The following RBFOX1 variants were observed in gnomAD, a reference collection of about 807,000 sequenced individuals.
The protein encoded by RBFOX1 is RNA binding protein fox-1 homolog 1.
Under a neutral mutation model 57.7 loss-of-function variants are expected in RBFOX1, and 8 were observed. The ratio of observed to expected loss-of-function variants is 0.14; its 90% confidence interval spans 0.08 to 0.25. RBFOX1 has a LOEUF of 0.25. RBFOX1 is among the 10% of genes least tolerant of loss of function. RBFOX1 has a pLI of 1.00. For missense variants in RBFOX1, 611 were observed against 548.5 expected, an observed-to-expected ratio of 1.11 and a Z score of -1.14; for synonymous variants, 326 against 222.4, an observed-to-expected ratio of 1.47 and a Z score of -4.15.
intron 1 of RBFOX1, among the ~76,000 whole-genome samples, chr16:6,157,414 T>C (rs982152785): frequency 1.3e-5 from 2 of 152,182 alleles, no homozygotes; most frequent in Non-Finnish European, 2.9e-5. Context: ...GGCCTAAATA[T>C]TTCATGAAGG....
chr16:6,994,467 A>G (rs1473474845), intron 3 of RBFOX1, among the ~76,000 whole-genome samples: 1 of 152,206 alleles, frequency 6.6e-6, no homozygotes, highest in African/African-American at 2.4e-5. Context: ...ATGCCATGCT[A>G]AGAACTGTTA....
chr16:7,317,178 G>C (rs1334721235), intron 4 of RBFOX1, among the ~76,000 whole-genome samples: 2 of 152,042 alleles, frequency 1.3e-5, no homozygotes, highest in African/African-American at 4.8e-5. Flanking sequence ...ACTAGGAGTG[G>C]ACAGAAAAGA....
intron 3 of RBFOX1, among the ~76,000 whole-genome samples, chr16:6,656,844 T>C (rs1038157846): frequency 6.6e-6 from 1 of 151,816 alleles, no homozygotes; most frequent in South Asian, 2.1e-4. Context: ...CTAAGGACTT[T>C]TTTTAAAAAA....
intron 5 of RBFOX1, among the ~76,000 whole-genome samples, chr16:7,527,349 T>C (rs575283899): frequency 6.6e-6 from 1 of 152,254 alleles, no homozygotes; most frequent in Admixed American, 6.5e-5. Flanking sequence ...AAGACCCTGG[T>C]CATCAAAAAC....
intron 4 of RBFOX1, among the ~76,000 whole-genome samples, chr16:7,437,774 A>G (rs2098734608): frequency 6.6e-6 from 1 of 152,162 alleles, no homozygotes; most frequent in Admixed American, 6.5e-5. Flanking sequence ...TGGCAAAGAT[A>G]ATCTTGTGGA....
chr16:6,979,592 G>T (rs2088104977), intron 3 of RBFOX1, among the ~76,000 whole-genome samples: 1 of 152,172 alleles, frequency 6.6e-6, no homozygotes, highest in Non-Finnish European at 1.5e-5. Context: ...GCACAGTACA[G>T]GGGTGTGACT....
chr16:6,772,259 C>T (rs1240842485), intron 3 of RBFOX1, among the ~76,000 whole-genome samples: 2 of 152,072 alleles, frequency 1.3e-5, no homozygotes, highest in African/African-American at 2.4e-5. Context: ...TATACAACTG[C>T]AGGTCAGGCC....
chr16:7,603,240 C>A (rs937507302), intron 9 of RBFOX1, among the ~76,000 whole-genome samples: 11 of 150,606 alleles, frequency 7.3e-5, no homozygotes, highest in Non-Finnish European at 8.9e-5. Context: ...TAATCAGAGC[C>A]AAAAAAAAAT....
At chr16:7,580,667 G>A (rs1197653220) in intron 6 of RBFOX1, among the ~76,000 whole-genome samples, 1 of 152,064 alleles carries the variant, frequency 6.6e-6, no homozygotes, top group Non-Finnish European at 1.5e-5. Flanking sequence ...AGGTCATCTT[G>A]CCCCTGATTA....
chr16:6,387,556 G>T (rs1339716463), intron 2 of RBFOX1, among the ~76,000 whole-genome samples: 1 of 151,938 alleles, frequency 6.6e-6, no homozygotes, highest in Admixed American at 6.6e-5. Context: ...TATTTGGGAT[G>T]ATACATCTGC....
intron 3 of RBFOX1, among the ~76,000 whole-genome samples, chr16:5,790,859 A>ATTTTT (rs1157751312): frequency 8.9e-6 from 1 of 112,956 alleles, no homozygotes; most frequent in African/African-American, 3.4e-5. Flanking sequence ...GTGGGTCTTT[A>ATTTTT]TTTTTTTTTT....
intron 3 of RBFOX1, among the ~76,000 whole-genome samples, chr16:7,001,092 A>G (rs1001581366): frequency 6.6e-6 from 1 of 152,190 alleles, no homozygotes; most frequent in African/African-American, 2.4e-5. Flanking sequence ...GGTAGAGTTC[A>G]TGTGAGAAAA....
intron 1 of RBFOX1, among the ~76,000 whole-genome samples, chr16:6,173,604 C>CTTTTTTTTTTTTTTTTT (rs35528338): frequency 9.9e-5 from 7 of 70,950 alleles, no homozygotes; most frequent in Non-Finnish European, 1.2e-4. Context: ...TGACCACTCC[C>CTTTTTTTTTTTTTTTTT]TTTTTTTTTT....
chr16:6,540,756 AATT>A (rs1245817670), intron 2 of RBFOX1, among the ~76,000 whole-genome samples: 1 of 152,092 alleles, frequency 6.6e-6, no homozygotes, highest in East Asian at 1.9e-4. Context: ...TAACTTACCT[AATT>A]ATTCACTTAA....
chr16:6,984,029 C>A (rs764583666), intron 3 of RBFOX1, among the ~76,000 whole-genome samples: 2 of 152,104 alleles, frequency 1.3e-5, no homozygotes, highest in Non-Finnish European at 2.9e-5. Flanking sequence ...GGGCAGATCA[C>A]CTGAGGTCAG....
chr16:5,795,446 G>A lies in RBFOX1; in HGVS notation c.319-71857G>A, dbSNP rs140335391. On this transcript the variant is annotated intron_variant, in intron 3 of 19. Transcript: ENST00000641259. ...AGCCTCCCGAGTAGTGGGACCACAGGCACCTACCACCGTGCGTGGCTAAAT... is the reference window on the plus strand; with the variant it reads ...AGCCTCCCGAGTAGTGGGACCACAGACACCTACCACCGTGCGTGGCTAAAT... Among the ~76,000 whole-genome samples the A allele has an allele frequency of 2.1e-3, 315 of 152,232 alleles. No individual in the cohort carries two copies. In the Middle Eastern group the frequency reaches 0.031, roughly 15 times the overall value.
intron 3 of RBFOX1, among the ~76,000 whole-genome samples, chr16:5,783,510 AC>A (rs1264394602): frequency 2.6e-5 from 4 of 152,196 alleles, no homozygotes; most frequent in Non-Finnish European, 5.9e-5. Flanking sequence ...GAAAAAAATC[AC>A]CCTCATCCCG....
At chr16:6,690,566 C>CTAT (rs35119387) in intron 3 of RBFOX1, among the ~76,000 whole-genome samples, 1 of 152,020 alleles carries the variant, frequency 6.6e-6, no homozygotes, top group Non-Finnish European at 1.5e-5. Context: ...CAAAACTATA[C>CTAT]TGAGATGCAG....
chr16:5,451,781 T>C (rs1013094483), intron 1 of RBFOX1, among the ~76,000 whole-genome samples: 1 of 152,164 alleles, frequency 6.6e-6, no homozygotes, highest in African/African-American at 2.4e-5. Context: ...TTTTTTCGTG[T>C]ACCAGGCTAC....
Sources: allele counts gnomAD v4.1 joint callset (sites outside exome capture counted in the v4.1 genomes callset), GRCh38; gene constraint gnomAD v4.1.1; transcripts MANE v1.5; gene names NCBI Gene and HGNC (gene_info 2026-07-23, HGNC 2026-07-21).